Variants in LRRC4C observed in about 807,000 individuals in gnomAD.
LRRC4C encodes the protein leucine-rich repeat-containing protein 4C.
LRRC4C carries 5 observed loss-of-function variants against 33.6 expected under a neutral mutation model. That is an observed-to-expected ratio of 0.15 (90% CI 0.08 to 0.31). The LOEUF (loss-of-function observed/expected upper bound fraction) is 0.31. Ranked by LOEUF, LRRC4C falls within the 10% of genes least tolerant of loss-of-function variation. The probability of loss-of-function intolerance (pLI) is 1.00; values close to 1 mark genes in which losing one functional copy is unlikely to be tolerated. For missense variants in LRRC4C, 560 were observed against 796.7 expected (o/e 0.70, Z 3.58); for synonymous variants, 329 against 302.0 (o/e 1.09, Z -0.93).
chr11:40,902,172 G>C (rs1309824214), intron 2 of LRRC4C, among the ~76,000 whole-genome samples: 1 of 151,944 alleles, frequency 6.6e-6, no homozygotes, highest in Non-Finnish European at 1.5e-5. Context: ...CCAACAGCAT[G>C]TCTTTGTGTC....
intron 3 of LRRC4C, among the ~76,000 whole-genome samples, chr11:40,568,349 G>A (rs923128689): frequency 3.3e-5 from 5 of 152,180 alleles, no homozygotes; most frequent in African/African-American, 1.2e-4. Context: ...CCACAGTTCA[G>A]CCTCCAGAGG....
At chr11:40,702,867 A>G (rs1008507434) in intron 2 of LRRC4C, among the ~76,000 whole-genome samples, 1 of 152,134 alleles carries the variant, frequency 6.6e-6, no homozygotes, top group Non-Finnish European at 1.5e-5. Flanking sequence ...CCACTCCTTC[A>G]TCCCCCTGTG....
At chr11:41,340,242 G>A (rs1425568378) in intron 1 of LRRC4C, among the ~76,000 whole-genome samples, 1 of 152,042 alleles carries the variant, frequency 6.6e-6, no homozygotes, top group South Asian at 2.1e-4. Flanking sequence ...TTTTTGTGTG[G>A]TTTTTCTTTT....
chr11:40,788,011 A>G (rs1317751378), intron 2 of LRRC4C, among the ~76,000 whole-genome samples: 1 of 152,198 alleles, frequency 6.6e-6, no homozygotes, highest in East Asian at 1.9e-4. Flanking sequence ...TACCTATGTT[A>G]TATCATTTAT....
chr11:41,432,649 A>C (rs1955280152), intron 1 of LRRC4C, among the ~76,000 whole-genome samples: 1 of 152,092 alleles, frequency 6.6e-6, no homozygotes, highest in African/African-American at 2.4e-5. Context: ...ATGCACAGCA[A>C]ACATACACAC....
intron 5 of LRRC4C, among the ~76,000 whole-genome samples, chr11:40,188,811 A>C (rs1381200810): frequency 4.0e-5 from 5 of 125,324 alleles, no homozygotes; most frequent in Admixed American, 8.1e-5. Context: ...GACCTTGATG[A>C]CATGAAATGA....
At chr11:40,245,014 T>G (rs965007171) in intron 4 of LRRC4C, among the ~76,000 whole-genome samples, 2 of 152,186 alleles carry the variant, frequency 1.3e-5, no homozygotes, top group Non-Finnish European at 2.9e-5. Flanking sequence ...AAAGAATTAT[T>G]CAGCAGTTGA....
intron 1 of LRRC4C, among the ~76,000 whole-genome samples, chr11:41,278,194 C>A (rs1949543964): frequency 1.3e-5 from 2 of 152,130 alleles, no homozygotes; most frequent in Non-Finnish European, 2.9e-5. Context: ...TAAGTGTTCT[C>A]ACCACAAGAT....
chr11:41,255,171 G>A (rs1032829284), intron 1 of LRRC4C, among the ~76,000 whole-genome samples: 1 of 151,960 alleles, frequency 6.6e-6, no homozygotes, highest in African/African-American at 2.4e-5. Flanking sequence ...CAGCTATTTG[G>A]ATACCTGCCA....
chr11:40,547,856 TA>T (rs939528943), intron 3 of LRRC4C, among the ~76,000 whole-genome samples: 5 of 152,042 alleles, frequency 3.3e-5, no homozygotes, highest in African/African-American at 1.2e-4. Context: ...AGAGAATATA[TA>T]AAACATAAGA....
chr11:40,316,730 T>A (rs1457515228), intron 4 of LRRC4C, among the ~76,000 whole-genome samples: 2 of 151,944 alleles, frequency 1.3e-5, no homozygotes, highest in Admixed American at 1.3e-4. Context: ...ACTGTAAATA[T>A]CATTAGAAGC....
At chr11:41,397,104 C>T (rs1316729794) in intron 1 of LRRC4C, among the ~76,000 whole-genome samples, 4 of 151,962 alleles carry the variant, frequency 2.6e-5, no homozygotes, top group Non-Finnish European at 4.4e-5. Context: ...CAAACCCACG[C>T]TGTCTCATTC....
chr11:40,310,983 A>G (rs779515171), intron 4 of LRRC4C, among the ~76,000 whole-genome samples: 7 of 152,288 alleles, frequency 4.6e-5, no homozygotes, highest in Admixed American at 6.5e-5. Flanking sequence ...TCTTAGTTCA[A>G]ATTATAGTTT....
chr11:41,398,579 G>A (rs1953908947), intron 1 of LRRC4C, among the ~76,000 whole-genome samples: 1 of 151,922 alleles, frequency 6.6e-6, no homozygotes, highest in Non-Finnish European at 1.5e-5. Context: ...ATCACTGAAT[G>A]TTACCTTGTG....
intron 1 of LRRC4C, among the ~76,000 whole-genome samples, chr11:41,218,518 T>A (rs919190099): frequency 1.3e-5 from 2 of 152,202 alleles, no homozygotes; most frequent in African/African-American, 4.8e-5. Flanking sequence ...GCTTTTAATG[T>A]GAATTTTATA....
At chr11:40,589,512 C>T (rs1286075482) in intron 3 of LRRC4C, among the ~76,000 whole-genome samples, 1 of 149,350 alleles carries the variant, frequency 6.7e-6, no homozygotes, top group African/African-American at 2.4e-5. Context: ...GAATTTGATC[C>T]TGTCATTATG....
chr11:41,187,004 G>C (rs956322497), intron 1 of LRRC4C, among the ~76,000 whole-genome samples: 8 of 152,108 alleles, frequency 5.3e-5, no homozygotes, highest in Non-Finnish European at 1.2e-4. Flanking sequence ...CCCAAACCCA[G>C]ATCTAAAATG....
In LRRC4C at chr11:40,994,815, CT is replaced by C. The variant is rs200568590; in HGVS notation, c.-495-61093del. Among the ~76,000 whole-genome samples, 28 of 69,842 alleles carry C rather than the reference CT, an allele frequency of 4.0e-4. No homozygotes were observed. In the East Asian group the frequency reaches 8.5e-3, roughly 21 times the overall value. 45.8% of individuals were successfully genotyped at this position (69,842 alleles called of 152,430 possible). A position where few individuals can be genotyped will look rare whatever the true frequency, so the allele number is the denominator to read the frequency against. Reference sequence around the variant, plus strand: ...TTTAAGATTTCTCTCTCTATTTATACTTTTTTTTTAACTACTTCATCAACCT... The same window carrying C: ...TTTAAGATTTCTCTCTCTATTTATACTTTTTTTTAACTACTTCATCAACCT... On this transcript the variant is annotated intron_variant, in intron 1 of 6. Transcript: ENST00000528697.
intron 5 of LRRC4C, among the ~76,000 whole-genome samples, chr11:40,153,618 T>C (rs1858413128): frequency 6.6e-6 from 1 of 151,708 alleles, no homozygotes; most frequent in South Asian, 2.1e-4. Flanking sequence ...TTCAGGAATC[T>C]TTGGACACAC....
Sources: gnomAD v4.1 joint callset for allele counts (sites outside exome capture counted in the v4.1 genomes callset) on GRCh38, gnomAD v4.1.1 for gene constraint, MANE v1.5 for transcripts, NCBI Gene and HGNC (gene_info 2026-07-23, HGNC 2026-07-21) for gene names.